The following CCDC63 variants were observed in gnomAD, a reference collection of about 807,000 sequenced individuals.
CCDC63 encodes coiled-coil domain containing 63, also known as coiled-coil domain-containing protein 63.
CCDC63 carries 54 observed loss-of-function variants against 63.6 expected under a neutral mutation model. The observed-to-expected ratio is 0.85, with a 90% CI of 0.68 to 1.07. The LOEUF is 1.07. CCDC63 is among the 50% of genes least tolerant of loss of function. CCDC63 has a pLI of 0.00. For synonymous variants in CCDC63, 253 were observed against 266.1 expected (o/e 0.95, Z 0.48); for missense variants, 637 against 689.6 (o/e 0.92, Z 0.86).
intron 8 of CCDC63, among the ~76,000 whole-genome samples, chr12:110,888,857 CCTTCG>C (rs1409504968): frequency 1.5e-4 from 12 of 78,532 alleles, no homozygotes; most frequent in African/African-American, 2.1e-4. Flanking sequence ...TTCCTTCCTT[CCTTCG>C]TTTTTCTTTC....
chr12:110,851,576 G>T (rs559093811), intron 1 of CCDC63, among the ~76,000 whole-genome samples: 18 of 152,266 alleles, frequency 1.2e-4, no homozygotes, highest in African/African-American at 4.3e-4. Context: ...TCCAGAGTCG[G>T]ATGCCCCAAT....
intron 8 of CCDC63, among the ~76,000 whole-genome samples, chr12:110,886,440 A>G (rs2071280453): frequency 6.6e-6 from 1 of 152,034 alleles, no homozygotes; most frequent in South Asian, 2.1e-4. Context: ...CAAAAATAAA[A>G]TGGGTAAATT....
chr12:110,883,751 T>C lies in CCDC63; in HGVS notation c.854-279T>C, dbSNP rs2071239833. On this transcript the variant is annotated intron_variant, in intron 7 of 11. Coordinates refer to ENST00000308208, the MANE Select transcript of CCDC63 (RefSeq NM_152591.3). ...GCCTCCCAGGTTCAAGCAATTCTCCTGGCTTAGCCTCCCATGTAGCTGGGA... is the reference window on the plus strand; with the variant it reads ...GCCTCCCAGGTTCAAGCAATTCTCCCGGCTTAGCCTCCCATGTAGCTGGGA... Among the ~76,000 whole-genome samples, 5 of 152,182 alleles carry C rather than the reference T, an allele frequency of 3.3e-5. No homozygotes were observed. The South Asian group carries it at 1.0e-3, about 32-fold the overall frequency.
At chr12:110,904,858 C>T (rs1048680859) in intron 11 of CCDC63, 67 bp downstream of exon 11, 21 of 1,321,514 alleles carry the variant, frequency 1.6e-5, no homozygotes, top group East Asian at 1.2e-4. Flanking sequence ...CTGGGGAGAC[C>T]GTGTCCAGGT....
chr12:110,846,441 G>A (rs1162249260), upstream of CCDC63, among the ~76,000 whole-genome samples: 1 of 152,156 alleles, frequency 6.6e-6, no homozygotes, highest in African/African-American at 2.4e-5. Flanking sequence ...TGCTCACAGT[G>A]GGTGGGGGTC....
At chr12:110,847,976 A>C (rs1408783964) in intron 1 of CCDC63, among the ~76,000 whole-genome samples, 1 of 152,266 alleles carries the variant, frequency 6.6e-6, no homozygotes, top group Non-Finnish European at 1.5e-5. Context: ...TGCTGTGGTG[A>C]ATAGACTGAG....
chr12:110,879,807 G>A (rs534774145), intron 5 of CCDC63, 99 bp from the exon 6 acceptor site: 3 of 1,149,284 alleles, frequency 2.6e-6, no homozygotes, highest in African/African-American at 3.1e-5. Flanking sequence ...CCTTGCGTAT[G>A]AGGTGGGGCA....
chr12:110,866,387 G>A (rs1471836489), intron 4 of CCDC63, among the ~76,000 whole-genome samples: 2 of 149,230 alleles, frequency 1.3e-5, no homozygotes, highest in Non-Finnish European at 3.0e-5. Context: ...GCAGGGTCAT[G>A]GGACCATAGT....
At chr12:110,897,732 GTTT>G (rs1208926440) in intron 9 of CCDC63, among the ~76,000 whole-genome samples, 1 of 121,260 alleles carries the variant, frequency 8.2e-6, no homozygotes, top group African/African-American at 3.1e-5. Flanking sequence ...GGACCACCTT[GTTT>G]TTTTTTTTTT....
chr12:110,851,322 T>C (rs1467179752), intron 1 of CCDC63, among the ~76,000 whole-genome samples: 1 of 152,148 alleles, frequency 6.6e-6, no homozygotes, highest in African/African-American at 2.4e-5. Flanking sequence ...TCTCCTCCAT[T>C]TTAGCTTGGT....
chr12:110,883,851 G>A (rs1161855556), intron 7 of CCDC63, among the ~76,000 whole-genome samples, 179 bp from the exon 8 acceptor site: 1 of 152,152 alleles, frequency 6.6e-6, no homozygotes, highest in Non-Finnish European at 1.5e-5. Flanking sequence ...TGTTGGCTAG[G>A]CTGGTCTCGA....
intron 9 of CCDC63, among the ~76,000 whole-genome samples, chr12:110,898,646 T>C (rs2071444858): frequency 6.6e-6 from 1 of 151,594 alleles, no homozygotes; most frequent in South Asian, 2.1e-4. Context: ...TTCGTAATCC[T>C]GTAGACATGT....
chr12:110,907,414 C>G lies in CCDC63; in HGVS notation c.1630C>G (p.Arg544Gly), dbSNP rs774381462. 1 of 1,614,148 alleles carries G rather than the reference C, an allele frequency of 6.2e-7. No homozygotes were observed. Among genetic ancestry groups the G allele is most frequent in the South Asian group, 1.1e-5 (1 of 91,078 alleles). ...GAAGGAGAATCGGAGTAAGGAAGTG[C>G]GCGGAGACAGCCTGCCTGAGAAGGT... ...ILKENRSKEVRGDSLPEKVDD... is the reference protein window; with the variant it reads ...ILKENRSKEVGGDSLPEKVDD... Residue 544 changes from arginine (R) to glycine (G), a missense_variant, in exon 12 of 12, where the codon CGC (arginine) becomes GGC (glycine). Transcript: ENST00000308208. The surrounding 1 kb of genome is among the most constrained non-coding windows in gnomAD (Gnocchi z 4.4).
At chr12:110,867,347 A>G (rs1409568127) in intron 4 of CCDC63, among the ~76,000 whole-genome samples, 38 of 64,746 alleles carry the variant, frequency 5.9e-4, no homozygotes, top group East Asian at 1.5e-3. Flanking sequence ...GGCCGGGTGG[A>G]GGGCTGACCC....
intron 4 of CCDC63, among the ~76,000 whole-genome samples, chr12:110,871,176 C>G (rs2071060420): frequency 6.6e-6 from 1 of 152,146 alleles, no homozygotes; most frequent in Admixed American, 6.5e-5. Context: ...GAGTCTTGCT[C>G]TGTTGCCCAG....
chr12:110,868,366 G>A (rs920132982), intron 4 of CCDC63, among the ~76,000 whole-genome samples: 1 of 147,336 alleles, frequency 6.8e-6, no homozygotes, highest in East Asian at 2.0e-4. Context: ...GGCACTTTGG[G>A]AGGCCAAGGC....
At chr12:110,867,327 C>T (rs1484229724) in intron 4 of CCDC63, among the ~76,000 whole-genome samples, 10 of 99,958 alleles carry the variant, frequency 1.0e-4, no homozygotes, top group African/African-American at 3.7e-4. Flanking sequence ...ACCTCCCAGA[C>T]GGGGCGGCTG....
chr12:110,865,192 G>A (rs2070926840), intron 4 of CCDC63, among the ~76,000 whole-genome samples: 1 of 152,204 alleles, frequency 6.6e-6, no homozygotes, highest in Non-Finnish European at 1.5e-5. Flanking sequence ...ACCAGCCACT[G>A]TGTCTACCAC....
At chr12:110,857,444 T>G (rs1299041926) in intron 3 of CCDC63, among the ~76,000 whole-genome samples, 7 of 152,190 alleles carry the variant, frequency 4.6e-5, no homozygotes, top group Admixed American at 3.3e-4. Context: ...TTCTTTACTG[T>G]TCTATAGCAG....
Sources: allele counts gnomAD v4.1 joint callset (sites outside exome capture counted in the v4.1 genomes callset), GRCh38; gene constraint gnomAD v4.1.1; non-coding constraint Gnocchi (gnomAD v3.1); transcripts MANE v1.5; gene names NCBI Gene and HGNC (gene_info 2026-07-23, HGNC 2026-07-21).